Variants in COL9A3 observed in about 807,000 individuals in gnomAD.
COL9A3 encodes the protein collagen alpha-3(IX) chain.
A neutral mutation model predicts 110.2 loss-of-function variants in COL9A3; 82 were observed. The observed-to-expected ratio is 0.74, with a 90% CI of 0.62 to 0.89. COL9A3 has a LOEUF of 0.89. Ranked by LOEUF, COL9A3 falls within the 40% of genes least tolerant of loss-of-function variation. The pLI, the probability that COL9A3 is intolerant of heterozygous loss-of-function variation, is 0.00. For synonymous variants in COL9A3, 494 were observed against 403.8 expected (o/e 1.22, Z -2.68); for missense variants, 1,066 against 981.3 (o/e 1.09, Z -1.15).
At chr20:62,835,661 A>C (rs2063629402) in intron 26 of COL9A3, among the ~76,000 whole-genome samples, 1 of 152,236 alleles carries the variant, frequency 6.6e-6, no homozygotes, top group Non-Finnish European at 1.5e-5. Context: ...AAGCAAAGTA[A>C]GCGTGTGTAA....
Position 62,840,522 on chromosome 20 carries a change from C to T in COL9A3, c.1865-20C>T, listed in dbSNP as rs930494508. The T allele has an allele frequency of 1.2e-6, 2 of 1,608,900 alleles. No homozygotes were observed. The highest frequency in any genetic ancestry group is 1.7e-5 in the Admixed American group (1 of 59,996). The stretch of plus-strand genomic sequence containing the variant: ...TCAGTCCGGGCTGCAGCTGAACTCA[C>T]CTTTCTGCTCTGTCCCAAGGACCCC... On this transcript the variant is annotated intron_variant, in intron 31 of 31. Transcript: ENST00000649368.
At chr20:62,826,897 C>T in intron 15 of COL9A3, 77 bp downstream of exon 15, 1 of 1,523,680 alleles carries the variant, frequency 6.6e-7, no homozygotes, top group Non-Finnish European at 8.9e-7. Context: ...TCAGACGCCC[C>T]CAGCCCCACT....
chr20:62,818,391 C>T (rs889459088), intron 2 of COL9A3, 127 bp from the exon 3 acceptor site: 2 of 903,306 alleles, frequency 2.2e-6, no homozygotes, highest in East Asian at 4.8e-5. Context: ...GGCTCAGGGG[C>T]CCCTTTTGTC....
intron 9 of COL9A3, 49 bp from the exon 10 acceptor site, chr20:62,822,542 A>G (rs1391246007): frequency 6.3e-7 from 1 of 1,596,262 alleles, no homozygotes; most frequent in East Asian, 2.2e-5. Flanking sequence ...GGGTGGCTGC[A>G]GGTGGCTGGG....
At chr20:62,822,502 G>A (rs1444395135) in intron 9 of COL9A3, 89 bp from the exon 10 acceptor site, 23 of 1,411,980 alleles carry the variant, frequency 1.6e-5, no homozygotes, top group Middle Eastern at 2.5e-4. Context: ...GGGGAAGGTT[G>A]TGGTCCGTCA....
Position 62,821,842 on chromosome 20 carries a change from T to C in COL9A3, c.423+32T>C, listed in dbSNP as rs756432631. 4.2e-6 allele frequency: 6 copies of C among 1,438,264 alleles called. No homozygotes were observed. In the African/African-American group the frequency reaches 7.0e-5, roughly 17 times the overall value. The allele number at this position is 1,438,264 out of a possible 1,614,324, so 89.1% of individuals were successfully genotyped here. A position where few individuals can be genotyped will look rare whatever the true frequency, so the allele number is the denominator to read the frequency against. ...GGCTGTCCCAGAGCCCCTCAGAGTG[T>C]GCTCACCTGTGGCCTCCACCCCCAG... On this transcript the variant is annotated intron_variant, in intron 8 of 31. Transcript: ENST00000649368.
chr20:62,822,083 C>A, intron 8 of COL9A3, 28 bp from the exon 9 acceptor site: 1 of 1,452,108 alleles, frequency 6.9e-7, no homozygotes, highest in Non-Finnish European at 9.7e-7. Context: ...GCTGGTCCCA[C>A]TCTGTCTAAG....
At chr20:62,829,539 G>C in intron 20 of COL9A3, 40 bp downstream of exon 20, 1 of 1,610,334 alleles carries the variant, frequency 6.2e-7, no homozygotes, top group Non-Finnish European at 8.5e-7. Context: ...GAGGGGAGGC[G>C]AGGGGCCGGG....
chr20:62,819,415 A>C, intron 4 of COL9A3, 122 bp downstream of exon 4: 1 of 920,778 alleles, frequency 1.1e-6, no homozygotes, highest in Non-Finnish European at 1.7e-6. Flanking sequence ...TCCTGAGAGA[A>C]GTCTCCAGAA....
intron 24 of COL9A3, among the ~76,000 whole-genome samples, chr20:62,830,814 C>T (rs564279329): frequency 1.8e-4 from 19 of 108,488 alleles, no homozygotes; most frequent in Non-Finnish European, 2.0e-4. Context: ...TCCCCTGGGA[C>T]GCAGACAGGG....
chr20:62,822,266 TCTC>T (rs1568750732), intron 9 of COL9A3, 102 bp downstream of exon 9: 1 of 801,166 alleles, frequency 1.2e-6, no homozygotes, highest in East Asian at 2.5e-5. Context: ...CCCTCCGAGA[TCTC>T]CTAACCCTAA....
At chr20:62,832,329 T>TCGC in intron 25 of COL9A3, 140 bp downstream of exon 25, 1 of 597,108 alleles carries the variant, frequency 1.7e-6, no homozygotes, top group South Asian at 1.8e-5. Context: ...TGTCTGTCAG[T>TCGC]CGCCCTTTCT....
In COL9A3 at chr20:62,831,496, A is replaced by G. The variant is rs143718609; in HGVS notation, c.1288-658A>G. On this transcript the variant is annotated intron_variant, in intron 24 of 31. Transcript: ENST00000649368. ...TCCAGGGTGATGGCCGGGGCTGTGG[A>G]CACCACCACCCCATGGGGGATAGCG... 8.9e-3 allele frequency: 1,393 copies of G among 155,756 alleles called. 25 individuals carry two copies. Among genetic ancestry groups the G allele is most frequent in the African/African-American group, 0.032 (1,314 of 41,580 alleles). The allele number at this position is 155,756 out of a possible 1,614,324, so 9.6% of individuals were successfully genotyped here. A position where few individuals can be genotyped will look rare whatever the true frequency, so the allele number is the denominator to read the frequency against.
chr20:62,819,237 C>G lies in COL9A3; in HGVS notation c.199C>G (p.Pro67Ala). Residue 67 changes from proline (P) to alanine (A), a missense_variant, in exon 4 of 32, where the codon CCA becomes GCA. Physicochemically the swap from Pro to Ala is conservative, Grantham distance 27 (BLOSUM62 -1). Coordinates refer to ENST00000649368, the MANE Select transcript of COL9A3 (RefSeq NM_001853.4). The stretch of plus-strand genomic sequence containing the variant: ...TCCTGCACAGGGACCAAAGGGGGCC[C>G]CAGGAAAGCCGGGGAAACCAGGAGA... ...LPGPPGPKGAPGKPGKPGEAG... is the reference protein window; with the variant it reads ...LPGPPGPKGAAGKPGKPGEAG... The G allele has an allele frequency of 6.2e-7, 1 of 1,612,734 alleles. No homozygotes were observed. The highest frequency in any genetic ancestry group is 8.5e-7 in the Non-Finnish European group (1 of 1,179,952).
intron 14 of COL9A3, 127 bp downstream of exon 14, chr20:62,826,384 G>A (rs1479688746): frequency 1.1e-4 from 98 of 899,756 alleles, no homozygotes; most frequent in Non-Finnish European, 1.4e-4. Flanking sequence ...TCTGGCCATC[G>A]CCACTGTGGC....
intron 4 of COL9A3, 141 bp from the exon 5 acceptor site, chr20:62,819,788 C>T (rs1209600183): frequency 8.7e-6 from 8 of 918,690 alleles, no homozygotes; most frequent in Non-Finnish European, 1.4e-5. Context: ...TGGACAGGGC[C>T]AAGAGAGGAG....
chr20:62,820,040 C>T (rs1991068448), intron 5 of COL9A3, 58 bp downstream of exon 5: 1 of 1,569,306 alleles, frequency 6.4e-7, no homozygotes, highest in Admixed American at 1.7e-5. Flanking sequence ...CCCTGGCCAC[C>T]TCTGGCTGCT....
intron 2 of COL9A3, among the ~76,000 whole-genome samples, chr20:62,818,051 TC>T (rs1990993553): frequency 6.6e-6 from 1 of 152,032 alleles, no homozygotes; most frequent in Admixed American, 6.5e-5. Context: ...TGAGATGATG[TC>T]CCCTATGGGT....
Position 62,829,622 on chromosome 20 carries a change from C to T in COL9A3, c.1054-6C>T. The T allele has an allele frequency of 1.2e-6, 2 of 1,610,082 alleles. No individual in the cohort carries two copies. The highest frequency in any genetic ancestry group is 1.7e-6 in the Non-Finnish European group (2 of 1,178,968). On this transcript the variant is annotated splice_polypyrimidine_tract_variant and splice_region_variant and intron_variant, in intron 20 of 31. Coordinates refer to ENST00000649368, the MANE Select transcript of COL9A3 (RefSeq NM_001853.4). ...GCAGGCACTCACAGCTCTCCTTCCT[C>T]TACAGGGCAGAGCTGGGGAGCTGGG...
Sources: gnomAD v4.1 joint callset for allele counts (sites outside exome capture counted in the v4.1 genomes callset) on GRCh38, gnomAD v4.1.1 for gene constraint, MANE v1.5 for transcripts, NCBI Gene and HGNC (gene_info 2026-07-23, HGNC 2026-07-21) for gene names.